Variants in ATRNL1 observed in about 807,000 individuals in gnomAD.
ATRNL1 encodes attractin-like protein 1.
Under a neutral mutation model 182.7 loss-of-function variants are expected in ATRNL1, and 95 were observed. That is an observed-to-expected ratio of 0.52 (90% CI 0.44 to 0.62). ATRNL1 has a LOEUF of 0.62. Ranked by LOEUF, ATRNL1 falls within the 20% of genes least tolerant of loss-of-function variation. The probability of loss-of-function intolerance (pLI) is 0.00; values close to 1 mark genes in which losing one functional copy is unlikely to be tolerated. For missense variants in ATRNL1, 1,471 were observed against 1,679.5 expected, an observed-to-expected ratio of 0.88 and a Z score of 2.17; for synonymous variants, 576 against 568.3, an observed-to-expected ratio of 1.01 and a Z score of -0.19.
chr10:115,712,045 C>A (rs1161402467), intron 26 of ATRNL1, among the ~76,000 whole-genome samples: 1 of 152,082 alleles, frequency 6.6e-6, no homozygotes, highest in East Asian at 1.9e-4. Flanking sequence ...TTCAGTATTT[C>A]TTATTAAAAT....
rs1438517675 is a variant in ATRNL1, at chr10:115,404,743, G to A, written c.3269+9991G>A. Among the ~76,000 whole-genome samples the A allele has an allele frequency of 2.6e-5, 4 of 151,506 alleles. No individual in the cohort carries two copies. The South Asian group carries it at 8.3e-4, about 31-fold the overall frequency. On this transcript the variant is annotated intron_variant, in intron 20 of 28. Transcript: ENST00000355044. ...GACTGCTGGAGTAGGTTAGTGAACA[G>A]TGTGGTGGTATTTAGGTTTAATTTG... is the stretch of plus-strand genomic sequence containing the variant.
intron 18 of ATRNL1, among the ~76,000 whole-genome samples, chr10:115,330,844 G>A (rs1855178855): frequency 6.7e-6 from 1 of 149,734 alleles, no homozygotes; most frequent in South Asian, 2.1e-4. Context: ...GACATTTTCT[G>A]TTATTTTTTT....
chr10:115,762,274 TC>T (rs554693674), intron 27 of ATRNL1, among the ~76,000 whole-genome samples: 92 of 138,072 alleles, frequency 6.7e-4, no homozygotes, highest in African/African-American at 2.0e-3. Flanking sequence ...GTTTTATTCC[TC>T]CTGGCTCAGA....
At chr10:115,299,569 T>G (rs1377101707) in intron 15 of ATRNL1, among the ~76,000 whole-genome samples, 4 of 152,148 alleles carry the variant, frequency 2.6e-5, no homozygotes, top group African/African-American at 9.7e-5. Context: ...TCACTCAGAC[T>G]CTATATATTG....
chr10:115,519,380 T>A (rs1306641399), intron 25 of ATRNL1, 56 bp downstream of exon 25: 31 of 1,383,782 alleles, frequency 2.2e-5, no homozygotes, highest in Admixed American at 3.6e-5. Context: ...CTGATATATG[T>A]CCTGTCAATC....
intron 5 of ATRNL1, among the ~76,000 whole-genome samples, chr10:115,153,730 C>G (rs1846361904): frequency 6.6e-6 from 1 of 152,028 alleles, no homozygotes; most frequent in African/African-American, 2.4e-5. Context: ...CAGTTCTGCT[C>G]TGATCTTAGT....
intron 1 of ATRNL1, among the ~76,000 whole-genome samples, chr10:115,119,465 T>C (rs891445443): frequency 1.3e-5 from 2 of 152,094 alleles, no homozygotes; most frequent in Non-Finnish European, 2.9e-5. Context: ...CTTTAAAATA[T>C]GGTCTCTTGA....
chr10:115,581,438 T>A (rs1430890269), intron 26 of ATRNL1, among the ~76,000 whole-genome samples: 1 of 152,104 alleles, frequency 6.6e-6, no homozygotes, highest in East Asian at 1.9e-4. Context: ...TGTGGGAAAT[T>A]CCTGCACTCT....
At chr10:115,565,203 G>A (rs1177772232) in intron 26 of ATRNL1, among the ~76,000 whole-genome samples, 2 of 151,938 alleles carry the variant, frequency 1.3e-5, no homozygotes, top group Non-Finnish European at 2.9e-5. Context: ...GTTTATAACA[G>A]TAATATAAGG....
chr10:115,268,386 A>T lies in ATRNL1; in HGVS notation c.2042A>T (p.Asn681Ile), dbSNP rs1554911614. The part of the protein sequence containing the change: ...ADCASCTANT[N>I]GCQWCDDKKC... ...TGTGCCAGCTGTACTGCCAATACAA[A>T]TGGGTGCCAATGGTGTGATGACAAG... The change falls in exon 13 of 29, where the codon AAT becomes ATT. Residue 681 changes from asparagine (N) to isoleucine (I), a missense_variant. Coordinates refer to ENST00000355044, the MANE Select transcript of ATRNL1 (RefSeq NM_207303.4). 8.1e-6 allele frequency: 13 copies of T among 1,613,820 alleles called. No homozygotes were observed.
intron 20 of ATRNL1, among the ~76,000 whole-genome samples, chr10:115,402,725 C>T (rs2134308022): frequency 6.6e-6 from 1 of 152,224 alleles, no homozygotes; most frequent in African/African-American, 2.4e-5. Context: ...TATTACTAAT[C>T]AGGATCTTAA....
intron 5 of ATRNL1, among the ~76,000 whole-genome samples, chr10:115,149,128 G>C (rs566142237): frequency 3.4e-4 from 51 of 152,194 alleles, no homozygotes; most frequent in African/African-American, 1.2e-3. Context: ...TTTGCATAGT[G>C]CACTAAGAGG....
chr10:115,428,384 C>CT (rs1846000759), intron 21 of ATRNL1, among the ~76,000 whole-genome samples: 2 of 151,888 alleles, frequency 1.3e-5, no homozygotes, highest in Admixed American at 6.6e-5. Context: ...GGTTTTCTTT[C>CT]TTTTTTCTGC....
intron 9 of ATRNL1, among the ~76,000 whole-genome samples, chr10:115,218,269 C>T (rs1403259279): frequency 2.0e-5 from 3 of 151,896 alleles, no homozygotes; most frequent in Admixed American, 2.0e-4. Flanking sequence ...TGGTTGCTGT[C>T]ACTGCAGAAA....
chr10:115,313,956 G>T (rs115739824), intron 17 of ATRNL1, among the ~76,000 whole-genome samples: 2 of 152,216 alleles, frequency 1.3e-5, no homozygotes, highest in Admixed American at 6.5e-5. Flanking sequence ...AATACTGTGG[G>T]CTAACTGTAA....
At chr10:115,276,505 G>A (rs1852111542) in intron 13 of ATRNL1, among the ~76,000 whole-genome samples, 1 of 152,086 alleles carries the variant, frequency 6.6e-6, no homozygotes. Flanking sequence ...GAGAGCAGAT[G>A]GTACTCACTT....
intron 27 of ATRNL1, among the ~76,000 whole-genome samples, chr10:115,820,645 G>A (rs1295192401): frequency 6.6e-6 from 1 of 152,038 alleles, no homozygotes; most frequent in Non-Finnish European, 1.5e-5. Context: ...TCTCTATTTA[G>A]TCCGTTTTTC....
chr10:115,381,460 G>T (rs1354333171), intron 19 of ATRNL1, among the ~76,000 whole-genome samples: 1 of 37,054 alleles, frequency 2.7e-5, no homozygotes, highest in African/African-American at 1.2e-4. Context: ...AGTAGACATG[G>T]GGTTTCTTCA....
chr10:115,117,736 C>T (rs7921195), intron 1 of ATRNL1, among the ~76,000 whole-genome samples: 2,691 of 152,112 alleles, frequency 0.018, 94 homozygotes, highest in African/African-American at 0.062. Flanking sequence ...ATTGCTGAAT[C>T]GTATGGTAGC....
Sources: allele counts gnomAD v4.1 joint callset (sites outside exome capture counted in the v4.1 genomes callset), GRCh38; gene constraint gnomAD v4.1.1; transcripts MANE v1.5; gene names NCBI Gene and HGNC (gene_info 2026-07-23, HGNC 2026-07-21).